MARCHF8: variants seen among roughly 807,000 people sequenced by gnomAD.
MARCHF8 encodes the protein E3 ubiquitin-protein ligase MARCHF8.
In MARCHF8, 40 loss-of-function variants were observed where a neutral mutation model predicts 51.6. The observed-to-expected ratio is 0.77, with a 90% CI of 0.60 to 1.01. The LOEUF is 1.01. Among genes scored for constraint, MARCHF8 ranks in the 50% least tolerant of loss-of-function variants. The pLI is 0.00. For synonymous variants in MARCHF8, 263 were observed against 280.3 expected, an observed-to-expected ratio of 0.94 and a Z score of 0.62; for missense variants, 685 against 708.6, an observed-to-expected ratio of 0.97 and a Z score of 0.38.
At chr10:45,560,941 T>G (rs1589178428) in intron 1 of MARCHF8, among the ~76,000 whole-genome samples, 1 of 152,156 alleles carries the variant, frequency 6.6e-6, no homozygotes, top group African/African-American at 2.4e-5. Flanking sequence ...GGATAAGATA[T>G]GTTTAAACAT....
intron 3 of MARCHF8, among the ~76,000 whole-genome samples, chr10:45,470,744 C>G (rs779653418): frequency 6.6e-6 from 1 of 152,160 alleles, no homozygotes; most frequent in African/African-American, 2.4e-5. Context: ...CTGCTCCTAA[C>G]GGTCAACTCG....
intron 2 of MARCHF8, among the ~76,000 whole-genome samples, chr10:45,504,182 A>G (rs1189550434): frequency 6.6e-6 from 1 of 152,244 alleles, no homozygotes; most frequent in Non-Finnish European, 1.5e-5. Flanking sequence ...ACAGTGGCTC[A>G]CGCCTATAAT....
At chr10:45,550,368 T>C (rs918022489) in intron 1 of MARCHF8, among the ~76,000 whole-genome samples, 4 of 152,216 alleles carry the variant, frequency 2.6e-5, no homozygotes, top group African/African-American at 4.8e-5. Context: ...GCATCTTTAG[T>C]AGGCTGACAG....
At chr10:45,520,604 C>G (rs906524973) in intron 2 of MARCHF8, among the ~76,000 whole-genome samples, 1 of 152,126 alleles carries the variant, frequency 6.6e-6, no homozygotes, top group Non-Finnish European at 1.5e-5. Flanking sequence ...GGCTAGTCAC[C>G]AGATTTCTGG....
At chr10:45,511,966 C>G (rs919154289) in intron 2 of MARCHF8, among the ~76,000 whole-genome samples, 1 of 150,992 alleles carries the variant, frequency 6.6e-6, no homozygotes, top group East Asian at 2.0e-4. Flanking sequence ...AAGTGAGGAG[C>G]GTCTCTGCCC....
intron 1 of MARCHF8, among the ~76,000 whole-genome samples, chr10:45,592,562 C>A (rs1316867357): frequency 6.6e-6 from 1 of 152,176 alleles, no homozygotes; most frequent in Non-Finnish European, 1.5e-5. Context: ...ATATTTTAAA[C>A]TACTTACCAC....
At chr10:45,502,236 C>T (rs752282283) in intron 2 of MARCHF8, among the ~76,000 whole-genome samples, 8 of 152,020 alleles carry the variant, frequency 5.3e-5, no homozygotes, top group African/African-American at 9.7e-5. Flanking sequence ...AACTGTGGTC[C>T]GTGCATAACA....
chr10:45,464,413 C>T (rs1260053752), intron 3 of MARCHF8, 86 bp from the exon 4 acceptor site: 1 of 1,110,244 alleles, frequency 9.0e-7, no homozygotes, highest in African/African-American at 1.5e-5. Flanking sequence ...AGGGAGAAAC[C>T]CTAGAAATGT....
rs1471444471 is a variant in MARCHF8 at position 45,459,110 on chromosome 10, G to A, written c.1417+10C>T. The A allele has an allele frequency of 1.2e-6, 2 of 1,613,662 alleles. No individual in the cohort carries two copies. Among genetic ancestry groups the A allele is most frequent in the African/African-American group, 2.7e-5 (2 of 74,848 alleles). ...CCCCATGCTGAGCTTGCTCCAGCCT[G>A]AGAACTCACCTGTTGCCTGCCCCTG... On this transcript the variant is annotated intron_variant, in intron 7 of 7. Coordinates refer to ENST00000453424, the MANE Select transcript of MARCHF8 (RefSeq NM_001282866.2).
upstream of MARCHF8, among the ~76,000 whole-genome samples, chr10:45,536,380 C>T (rs754257861): frequency 2.6e-5 from 4 of 151,708 alleles, no homozygotes; most frequent in Non-Finnish European, 5.9e-5. Context: ...CTTCCTCACA[C>T]AAAAGGAAAA....
chr10:45,499,617 G>A (rs2043240817), intron 2 of MARCHF8, among the ~76,000 whole-genome samples: 1 of 152,054 alleles, frequency 6.6e-6, no homozygotes, highest in Non-Finnish European at 1.5e-5. Context: ...TAAAGTAAGG[G>A]TCCAATTGTA....
At chr10:45,540,870 T>C (rs991250575) in intron 1 of MARCHF8, among the ~76,000 whole-genome samples, 4 of 152,184 alleles carry the variant, frequency 2.6e-5, no homozygotes, top group Non-Finnish European at 4.4e-5. Flanking sequence ...CACAATGAGA[T>C]ACCATCTCAC....
At chr10:45,505,672 G>A (rs1286122171) in intron 2 of MARCHF8, among the ~76,000 whole-genome samples, 2 of 152,198 alleles carry the variant, frequency 1.3e-5, no homozygotes, top group Non-Finnish European at 2.9e-5. Context: ...GTGAAATTTG[G>A]GACCTCCAAC....
At chr10:45,482,096 T>C (rs1257527530) in intron 3 of MARCHF8, among the ~76,000 whole-genome samples, 1 of 151,746 alleles carries the variant, frequency 6.6e-6, no homozygotes, top group Non-Finnish European at 1.5e-5. Flanking sequence ...TACCTAGAAA[T>C]AAATTTAATC....
intron 2 of MARCHF8, among the ~76,000 whole-genome samples, chr10:45,511,680 G>T (rs2043509763): frequency 6.6e-6 from 1 of 152,242 alleles, no homozygotes; most frequent in Non-Finnish European, 1.5e-5. Flanking sequence ...GAGGTGCTGG[G>T]ATTGCAGACG....
At chr10:45,563,279 G>A (rs563379182) in intron 1 of MARCHF8, among the ~76,000 whole-genome samples, 32 of 152,038 alleles carry the variant, frequency 2.1e-4, no homozygotes, top group Non-Finnish European at 4.1e-4. Context: ...CTCCTGCCTC[G>A]GCCTCCCAAA....
At chr10:45,550,907 A>G (rs754525735) in intron 1 of MARCHF8, among the ~76,000 whole-genome samples, 32 of 152,222 alleles carry the variant, frequency 2.1e-4, no homozygotes, top group Non-Finnish European at 4.3e-4. Context: ...AATATAAGTG[A>G]TGGTTAATTT....
chr10:45,504,867 C>T (rs1249913618), intron 2 of MARCHF8, among the ~76,000 whole-genome samples: 1 of 152,178 alleles, frequency 6.6e-6, no homozygotes, highest in Non-Finnish European at 1.5e-5. Context: ...TCCCTTACTG[C>T]GTCCCTCTTC....
chr10:45,504,209 GC>G (rs1171110036), intron 2 of MARCHF8, among the ~76,000 whole-genome samples: 31 of 152,222 alleles, frequency 2.0e-4, no homozygotes, highest in African/African-American at 7.2e-4. Context: ...ACTTTGGGAG[GC>G]CGAGACGGGC....
Sources: allele counts gnomAD v4.1 joint callset (sites outside exome capture counted in the v4.1 genomes callset), GRCh38; gene constraint gnomAD v4.1.1; transcripts MANE v1.5; gene names NCBI Gene and HGNC (gene_info 2026-07-23, HGNC 2026-07-21).